Variants in SSBP2 observed in about 807,000 individuals in gnomAD.
SSBP2 encodes the protein single-stranded DNA-binding protein 2.
In SSBP2, 17 loss-of-function variants were observed where a neutral mutation model predicts 61.8. The ratio of observed to expected loss-of-function variants is 0.28; its 90% CI spans 0.19 to 0.41. The LOEUF is 0.41. SSBP2 is among the 10% of genes least tolerant of loss of function. The pLI is 1.00. For missense variants in SSBP2, 310 were observed against 458.7 expected, an observed-to-expected ratio of 0.68 and a Z score of 2.96; for synonymous variants, 139 against 141.3, an observed-to-expected ratio of 0.98 and a Z score of 0.12.
chr5:81,603,051 G>A (rs73766287), intron 4 of SSBP2, among the ~76,000 whole-genome samples: 2,494 of 152,190 alleles, frequency 0.016, 73 homozygotes, highest in African/African-American at 0.056. Context: ...ATTAAATTCT[G>A]TTATGATTAC....
intron 4 of SSBP2, among the ~76,000 whole-genome samples, chr5:81,532,013 T>C (rs1445083882): frequency 1.3e-5 from 2 of 152,178 alleles, no homozygotes; most frequent in East Asian, 3.9e-4. Flanking sequence ...CAGCTGTTAT[T>C]GAGAGGAAAT....
chr5:81,591,467 A>T (rs973057065), intron 4 of SSBP2, among the ~76,000 whole-genome samples: 1 of 152,252 alleles, frequency 6.6e-6, no homozygotes, highest in African/African-American at 2.4e-5. Flanking sequence ...CACTGATACA[A>T]CAAAGTTATT....
rs566150767 is a variant in SSBP2, at chr5:81,501,136, G to A, written c.373-11827C>T. ...TGAGGCAGGAGAATTGCTTGAACCC[G>A]GGAGGCAGATGTTGTGGTGAGCTGA... On this transcript the variant is annotated intron_variant, in intron 5 of 16. Coordinates refer to ENST00000320672, the MANE Select transcript of SSBP2 (RefSeq NM_012446.5). Among the ~76,000 whole-genome samples the A allele has an allele frequency of 1.8e-3, 262 of 144,404 alleles. 2 individuals carry two copies. Among genetic ancestry groups the A allele is most frequent in the Middle Eastern group, 3.6e-3 (1 of 280 alleles). The allele number at this position is 144,404 out of a possible 152,430, so 94.7% of individuals were successfully genotyped here. A position where few individuals can be genotyped will look rare whatever the true frequency, so the allele number is the denominator to read the frequency against.
chr5:81,634,408 G>T (rs1748008851), intron 3 of SSBP2, among the ~76,000 whole-genome samples: 1 of 152,120 alleles, frequency 6.6e-6, no homozygotes, highest in Non-Finnish European at 1.5e-5. Context: ...GTATTTGATT[G>T]AAGTCTCGTG....
intron 5 of SSBP2, among the ~76,000 whole-genome samples, chr5:81,505,117 T>C (rs1768081136): frequency 6.6e-6 from 1 of 152,114 alleles, no homozygotes; most frequent in Admixed American, 6.5e-5. Flanking sequence ...GTAGGCAAAT[T>C]ATGGCTCACA....
chr5:81,485,870 T>C (rs183007646), intron 6 of SSBP2, among the ~76,000 whole-genome samples: 61 of 152,350 alleles, frequency 4.0e-4, no homozygotes, highest in African/African-American at 1.2e-3. Context: ...TTGCCCATTC[T>C]ACTTTAATGA....
In SSBP2 at chr5:81,575,192, C is replaced by T. The variant is rs572058082; in HGVS notation, c.282+40281G>A. 3.9e-5 allele frequency among the ~76,000 whole-genome samples: 6 copies of T among 152,174 alleles called. No homozygotes were observed. In the East Asian group the frequency reaches 7.7e-4, roughly 20 times the overall value. ...CTGAGGCAGGAGAATCACTTGAACTCGGGAGGTGGAGGTTGCAGTGAGCTG... is the reference window on the plus strand; with the variant it reads ...CTGAGGCAGGAGAATCACTTGAACTTGGGAGGTGGAGGTTGCAGTGAGCTG... On this transcript the variant is annotated intron_variant, in intron 4 of 16. Coordinates refer to ENST00000320672, the MANE Select transcript of SSBP2 (RefSeq NM_012446.5).
intron 1 of SSBP2, among the ~76,000 whole-genome samples, chr5:81,744,821 C>G (rs939099888): frequency 3.3e-5 from 5 of 151,916 alleles, no homozygotes; most frequent in Non-Finnish European, 5.9e-5. Flanking sequence ...TAGGGTCATA[C>G]ATGAAATGTA....
intron 4 of SSBP2, among the ~76,000 whole-genome samples, chr5:81,573,585 G>A (rs1773984681): frequency 6.6e-6 from 1 of 152,162 alleles, no homozygotes. Context: ...CACTCCCTTG[G>A]TTGGTTTACA....
At chr5:81,564,467 T>C (rs1211283764) in intron 4 of SSBP2, among the ~76,000 whole-genome samples, 1 of 152,230 alleles carries the variant, frequency 6.6e-6, no homozygotes, top group African/African-American at 2.4e-5. Context: ...AAATGGTATA[T>C]TACACATTTT....
At chr5:81,697,762 A>C (rs1753694607) in intron 1 of SSBP2, among the ~76,000 whole-genome samples, 1 of 152,170 alleles carries the variant, frequency 6.6e-6, no homozygotes, top group Non-Finnish European at 1.5e-5. Context: ...ATATTCTCCA[A>C]ATAGGCAAGG....
At chr5:81,580,097 T>C (rs549297019) in intron 4 of SSBP2, among the ~76,000 whole-genome samples, 161 of 152,248 alleles carry the variant, frequency 1.1e-3, no homozygotes, top group Non-Finnish European at 1.7e-3. Context: ...TCCTGGTTTC[T>C]GGTTTGAAAA....
chr5:81,646,688 AT>A (rs68107334), intron 2 of SSBP2, among the ~76,000 whole-genome samples: 38,854 of 85,762 alleles, frequency 0.45, 7,649 homozygotes, highest in Middle Eastern at 0.52. Context: ...TGATGATGTC[AT>A]TTTTTTTTTT....
chr5:81,635,599 T>C (rs1390975196), intron 3 of SSBP2, among the ~76,000 whole-genome samples: 3 of 151,276 alleles, frequency 2.0e-5, no homozygotes, highest in Non-Finnish European at 4.4e-5. Context: ...TTTTTTTTTT[T>C]TTGAGACATT....
intron 4 of SSBP2, among the ~76,000 whole-genome samples, chr5:81,557,210 ATCT>A (rs1295276033): frequency 1.3e-5 from 2 of 152,132 alleles, no homozygotes; most frequent in Non-Finnish European, 2.9e-5. Flanking sequence ...GTTTGCTGAA[ATCT>A]TCATCATTTT....
chr5:81,525,214 G>A (rs776116663), intron 4 of SSBP2, among the ~76,000 whole-genome samples: 3 of 151,920 alleles, frequency 2.0e-5, no homozygotes, highest in Non-Finnish European at 2.9e-5. Context: ...AGGGGTACAT[G>A]TCCAGGTTTG....
intron 16 of SSBP2, among the ~76,000 whole-genome samples, chr5:81,423,354 T>A (rs1041659833): frequency 3.9e-5 from 6 of 152,224 alleles, no homozygotes; most frequent in Non-Finnish European, 7.3e-5. Flanking sequence ...ATCATTCTTT[T>A]AAAACAAAGA....
intron 1 of SSBP2, among the ~76,000 whole-genome samples, chr5:81,668,202 T>C (rs1387092008): frequency 7.5e-6 from 1 of 133,620 alleles, no homozygotes; most frequent in African/African-American, 3.0e-5. Flanking sequence ...AATGCATCAA[T>C]TCAGCACTAC....
chr5:81,662,944 T>A (rs1332578015), intron 1 of SSBP2, among the ~76,000 whole-genome samples: 2 of 152,358 alleles, frequency 1.3e-5, no homozygotes, highest in East Asian at 3.9e-4. Context: ...ACTATTTAAC[T>A]AATTAGGTAT....
Sources: gnomAD v4.1 joint callset for allele counts (sites outside exome capture counted in the v4.1 genomes callset) on GRCh38, gnomAD v4.1.1 for gene constraint, MANE v1.5 for transcripts, NCBI Gene and HGNC (gene_info 2026-07-23, HGNC 2026-07-21) for gene names.